The following RHBDD1 variants were observed in gnomAD, a reference collection of about 807,000 sequenced individuals.
RHBDD1 encodes rhomboid-related protein 4.
Under a neutral mutation model 36.3 loss-of-function variants are expected in RHBDD1, and 38 were observed. The ratio of observed to expected loss-of-function variants is 1.05; its 90% CI spans 0.81 to 1.37. The LOEUF (loss-of-function observed/expected upper bound fraction) is 1.37. Among genes scored for constraint, RHBDD1 ranks in the 40% most tolerant of loss-of-function variants. The pLI, the probability that RHBDD1 is intolerant of heterozygous loss-of-function variation, is 0.00. For missense variants in RHBDD1, 393 were observed against 377.6 expected, an observed-to-expected ratio of 1.04 and a Z score of -0.34; for synonymous variants, 151 against 136.5, an observed-to-expected ratio of 1.11 and a Z score of -0.74.
intron 3 of RHBDD1, among the ~76,000 whole-genome samples, chr2:226,852,901 T>TTTATTATTGTTGTTG (rs1553543385): frequency 2.1e-4 from 26 of 125,202 alleles, no homozygotes; most frequent in African/African-American, 8.1e-4. Flanking sequence ...ACCTGGCTAA[T>TTTATTATTGTTGTTG]TTATTATTAT....
intron 3 of RHBDD1, among the ~76,000 whole-genome samples, chr2:226,858,142 A>G (rs1185128828): frequency 6.6e-6 from 1 of 152,168 alleles, no homozygotes; most frequent in East Asian, 1.9e-4. Context: ...GAGTGATAAG[A>G]AGCCTCTTGC....
At chr2:226,895,660 G>A (rs1947044949) in intron 5 of RHBDD1, 1 of 985,224 alleles carries the variant, frequency 1.0e-6, no homozygotes, top group Non-Finnish European at 1.2e-6. Context: ...CTGCCATTTT[G>A]TTCTGAAGAT....
At chr2:226,865,191 T>C in intron 4 of RHBDD1, 65 bp downstream of exon 4, 4 of 1,245,446 alleles carry the variant, frequency 3.2e-6, no homozygotes, top group Middle Eastern at 2.0e-4. Context: ...GCTGCTGTCA[T>C]TTTATGAAGT....
chr2:226,912,077 C>G (rs1428197493), intron 7 of RHBDD1, among the ~76,000 whole-genome samples: 4 of 152,122 alleles, frequency 2.6e-5, no homozygotes, highest in Admixed American at 6.6e-5. Context: ...CTAGACATTT[C>G]TCTAAGAAGA....
At chr2:226,836,582 C>T (rs371458491) in intron 1 of RHBDD1, among the ~76,000 whole-genome samples, 3 of 152,130 alleles carry the variant, frequency 2.0e-5, no homozygotes, top group South Asian at 4.1e-4. Flanking sequence ...TCTGTCCAAC[C>T]CCTAAAAACC....
chr2:226,952,825 G>C (rs1294631298), intron 8 of RHBDD1, among the ~76,000 whole-genome samples: 1 of 152,118 alleles, frequency 6.6e-6, no homozygotes, highest in Non-Finnish European at 1.5e-5. Flanking sequence ...GGAGGGAGAG[G>C]GGGTGGAGGG....
At chr2:226,808,215 G>C in the RHBDD1 span, among the ~76,000 whole-genome samples, 1 of 152,156 alleles carries the variant, frequency 6.6e-6, no homozygotes, top group East Asian at 1.9e-4. Flanking sequence ...CAGGTGGTAT[G>C]GATGTGACAT....
In RHBDD1 at chr2:226,877,573, C is replaced by A. The variant is rs375839651; in HGVS notation, c.566+10255C>A. ...TCCTTTTTTTTTTTTTTTTTTTTAA[C>A]CATAGTTCATTAGTTTTTCTTTTAA... On this transcript the variant is annotated intron_variant, in intron 5 of 8. Coordinates refer to ENST00000392062, the MANE Select transcript of RHBDD1 (RefSeq NM_001167608.3). Among the ~76,000 whole-genome samples, 29 of 132,770 alleles carry A rather than the reference C, an allele frequency of 2.2e-4. No individual in the cohort carries two copies. In the East Asian group the frequency reaches 4.0e-3, roughly 18 times the overall value. The allele number at this position is 132,770 out of a possible 152,430, so 87.1% of individuals were successfully genotyped here.
intron 8 of RHBDD1, among the ~76,000 whole-genome samples, chr2:226,992,242 C>G (rs563618492): frequency 6.6e-6 from 1 of 152,278 alleles, no homozygotes; most frequent in East Asian, 1.9e-4. Context: ...GAGTGTGGCT[C>G]CAACGCAGAG....
At chr2:226,846,308 A>G (rs1942209692) in intron 3 of RHBDD1, among the ~76,000 whole-genome samples, 1 of 152,220 alleles carries the variant, frequency 6.6e-6, no homozygotes, top group African/African-American at 2.4e-5. Context: ...TTTGGTAGAG[A>G]AATCAGAAAA....
chr2:226,901,737 T>C (rs1250246949), intron 5 of RHBDD1, among the ~76,000 whole-genome samples: 1 of 152,168 alleles, frequency 6.6e-6, no homozygotes, highest in Non-Finnish European at 1.5e-5. Flanking sequence ...AAACCATATA[T>C]CTAATAGGGG....
chr2:226,936,652 C>T (rs1396967193), intron 8 of RHBDD1, among the ~76,000 whole-genome samples: 2 of 152,090 alleles, frequency 1.3e-5, no homozygotes, highest in Non-Finnish European at 2.9e-5. Context: ...TTTTGGGCTA[C>T]CAAATCTTAA....
upstream of RHBDD1, among the ~76,000 whole-genome samples, chr2:226,832,501 G>T (rs1940767638): frequency 6.6e-6 from 1 of 152,120 alleles, no homozygotes; most frequent in East Asian, 1.9e-4. Flanking sequence ...TCTTGTTCAA[G>T]CCTTCTATAT....
chr2:226,881,297 C>G (rs1024314917), intron 5 of RHBDD1, among the ~76,000 whole-genome samples: 1 of 152,208 alleles, frequency 6.6e-6, no homozygotes, highest in Non-Finnish European at 1.5e-5. Context: ...CAAAGCCTAA[C>G]CACATCACTG....
the RHBDD1 span, among the ~76,000 whole-genome samples, chr2:226,802,128 C>T: frequency 2.6e-5 from 4 of 152,142 alleles, no homozygotes; most frequent in Admixed American, 2.6e-4. Context: ...GCACGTACCT[C>T]ACAATTATCT....
chr2:226,834,759 A>G (rs1253758042), upstream of RHBDD1, among the ~76,000 whole-genome samples: 1 of 152,150 alleles, frequency 6.6e-6, no homozygotes, highest in Non-Finnish European at 1.5e-5. Context: ...TACCCTAGCT[A>G]TCAGAAAATT....
chr2:226,867,133 G>A, intron 4 of RHBDD1, 53 bp from the exon 5 acceptor site: 1 of 1,504,202 alleles, frequency 6.6e-7, no homozygotes, highest in South Asian at 1.3e-5. Flanking sequence ...TGTAAATGTT[G>A]ATACTCCTAC....
intron 3 of RHBDD1, among the ~76,000 whole-genome samples, chr2:226,841,259 A>C (rs1043793819): frequency 4.6e-5 from 7 of 152,040 alleles, no homozygotes; most frequent in Non-Finnish European, 1.0e-4. Flanking sequence ...CAGCCTCCCT[A>C]GTAGCTGGGA....
chr2:226,954,016 G>T (rs1215735164), intron 8 of RHBDD1, among the ~76,000 whole-genome samples: 1 of 152,130 alleles, frequency 6.6e-6, no homozygotes, highest in African/African-American at 2.4e-5. Flanking sequence ...GAGGTTAAAC[G>T]GAAGTCACCT....
Sources: gnomAD v4.1 joint callset for allele counts (sites outside exome capture counted in the v4.1 genomes callset) on GRCh38, gnomAD v4.1.1 for gene constraint, MANE v1.5 for transcripts, NCBI Gene and HGNC (gene_info 2026-07-23, HGNC 2026-07-21) for gene names.